ZFYVE28: variants seen among roughly 807,000 people sequenced by gnomAD.
The protein encoded by ZFYVE28 is zinc finger FYVE-type containing 28, also known as lateral signaling target protein 2 homolog.
A neutral mutation model predicts 82.1 loss-of-function variants in ZFYVE28; 40 were observed. The ratio of observed to expected loss-of-function variants is 0.49; its 90% CI spans 0.38 to 0.63. ZFYVE28 has a LOEUF of 0.63. Among genes scored for constraint, ZFYVE28 ranks in the 30% least tolerant of loss-of-function variants. ZFYVE28 has a pLI of 0.00. For missense variants in ZFYVE28, 1,321 were observed against 1,242.1 expected, an observed-to-expected ratio of 1.06 and a Z score of -0.96; for synonymous variants, 612 against 546.1, an observed-to-expected ratio of 1.12 and a Z score of -1.68.
intron 7 of ZFYVE28, among the ~76,000 whole-genome samples, chr4:2,310,422 T>A (rs752835435): frequency 1.5e-4 from 23 of 152,218 alleles, no homozygotes; most frequent in Non-Finnish European, 3.4e-4. Flanking sequence ...TTTGCATCTA[T>A]GTTCATGAGA....
intron 2 of ZFYVE28, chr4:2,342,925 G>A (rs940826570): frequency 1.3e-5 from 2 of 152,304 alleles, no homozygotes; most frequent in Admixed American, 6.5e-5. Flanking sequence ...CTCATCTTCC[G>A]AGGGCCTGTT....
At chr4:2,277,474 C>T (rs1736578231) in intron 8 of ZFYVE28, among the ~76,000 whole-genome samples, 2 of 151,120 alleles carry the variant, frequency 1.3e-5, no homozygotes, top group Admixed American at 1.3e-4. Context: ...AGTGAGACAC[C>T]ATCTCAAAAA....
chr4:2,359,119 C>T (rs1318647587), intron 1 of ZFYVE28, among the ~76,000 whole-genome samples: 5 of 151,784 alleles, frequency 3.3e-5, no homozygotes, highest in East Asian at 1.9e-4. Context: ...GGACTACAGG[C>T]GCCCACCACC....
At chr4:2,275,185 G>A (rs1034778353) in intron 8 of ZFYVE28, among the ~76,000 whole-genome samples, 8 of 152,108 alleles carry the variant, frequency 5.3e-5, no homozygotes, top group Non-Finnish European at 1.2e-4. Flanking sequence ...GGGACCCTCC[G>A]TGCATGGGGT....
Position 2,362,547 on chromosome 4 carries a change from C to T in ZFYVE28, c.40-8474G>A, listed in dbSNP as rs1252498907. Among the ~76,000 whole-genome samples, 1 of 152,124 alleles carries T rather than the reference C, an allele frequency of 6.6e-6. No individual in the cohort carries two copies. Among genetic ancestry groups the T allele is most frequent in the Non-Finnish European group, 1.5e-5 (1 of 68,014 alleles). On this transcript the variant is annotated intron_variant, in intron 1 of 12. Transcript: ENST00000290974. The surrounding 1 kb of genome is among the most constrained non-coding windows in gnomAD (Gnocchi z 5.1). Reference sequence around the variant, plus strand: ...CAACCCCTCCTGTCCGCACTGAGGCCAGACGTCCATGGGCAGCCATGACCC... The same window carrying T: ...CAACCCCTCCTGTCCGCACTGAGGCTAGACGTCCATGGGCAGCCATGACCC...
chr4:2,385,372 TGA>T (rs1248643573), intron 1 of ZFYVE28, among the ~76,000 whole-genome samples: 1 of 151,694 alleles, frequency 6.6e-6, no homozygotes, highest in East Asian at 1.9e-4. Flanking sequence ...GCCCCAGCGC[TGA>T]GAGAGCACCT....
At chr4:2,314,337 T>A (rs1227710261) in intron 7 of ZFYVE28, among the ~76,000 whole-genome samples, 1 of 152,256 alleles carries the variant, frequency 6.6e-6, no homozygotes, top group East Asian at 1.9e-4. Flanking sequence ...TGCTGCTGTT[T>A]CAACCCAGAC....
intron 1 of ZFYVE28, among the ~76,000 whole-genome samples, chr4:2,355,209 T>A (rs1290136828): frequency 8.1e-4 from 1 of 1,230 alleles, no homozygotes; most frequent in African/African-American, 5.9e-3. Flanking sequence ...AATATATATA[T>A]ATATATATAT....
At chr4:2,344,607 C>G (rs1163009475) in intron 2 of ZFYVE28, among the ~76,000 whole-genome samples, 2 of 152,214 alleles carry the variant, frequency 1.3e-5, no homozygotes, top group Admixed American at 1.3e-4. Context: ...TAAAAAATTA[C>G]CAAGTTTGGC....
intron 8 of ZFYVE28, among the ~76,000 whole-genome samples, chr4:2,291,627 G>T (rs928678747): frequency 6.6e-6 from 1 of 152,196 alleles, no homozygotes; most frequent in African/African-American, 2.4e-5. Context: ...ACAGGGCTGG[G>T]GGTCCTGGGG....
At chr4:2,311,624 C>A (rs538398059) in intron 7 of ZFYVE28, among the ~76,000 whole-genome samples, 1 of 152,248 alleles carries the variant, frequency 6.6e-6, no homozygotes, top group Non-Finnish European at 1.5e-5. Flanking sequence ...TATTTCTTTT[C>A]TCCTGCTTTC....
intron 1 of ZFYVE28, among the ~76,000 whole-genome samples, chr4:2,377,236 TGGTCTC>T (rs1728253373): frequency 6.6e-6 from 1 of 152,142 alleles, no homozygotes; most frequent in Non-Finnish European, 1.5e-5. Context: ...TTAGCCAGGA[TGGTCTC>T]GATCTCCTGA....
chr4:2,330,633 G>A (rs2108846813), intron 6 of ZFYVE28: 6 of 1,382,626 alleles, frequency 4.3e-6, no homozygotes, highest in Middle Eastern at 2.7e-4. Context: ...CAGCATAGAG[G>A]AGGGGACAGT....
chr4:2,290,100 G>A (rs187996648), intron 8 of ZFYVE28, among the ~76,000 whole-genome samples: 135 of 152,300 alleles, frequency 8.9e-4, no homozygotes, highest in Non-Finnish European at 1.5e-3. Flanking sequence ...GGCCCCGTCA[G>A]AGCCACCCCC....
At chr4:2,291,406 C>T (rs545492466) in intron 8 of ZFYVE28, among the ~76,000 whole-genome samples, 23 of 152,274 alleles carry the variant, frequency 1.5e-4, no homozygotes, top group African/African-American at 5.5e-4. Context: ...CCTTCTTGGG[C>T]TCACGGGGAG....
At chr4:2,389,715 C>T (rs960780383) in intron 1 of ZFYVE28, among the ~76,000 whole-genome samples, 3 of 152,222 alleles carry the variant, frequency 2.0e-5, no homozygotes, top group African/African-American at 7.2e-5. Flanking sequence ...ATCCATTCTG[C>T]AGGGAGCCCC....
chr4:2,291,106 C>G (rs1196896503), intron 8 of ZFYVE28, among the ~76,000 whole-genome samples: 1 of 152,326 alleles, frequency 6.6e-6, no homozygotes, highest in Middle Eastern at 3.4e-3. Flanking sequence ...ACCTTGCAGG[C>G]GCTTTTGCTG....
At position 2,271,690 on chromosome 4, in the gene ZFYVE28, C is replaced by T. The variant is rs757683240; in HGVS notation, c.2413G>A (p.Asp805Asn). 3.0e-5 allele frequency: 49 copies of T among 1,613,766 alleles called. No homozygotes were observed. The highest frequency in any genetic ancestry group is 4.0e-5 in the Non-Finnish European group (47 of 1,179,996). ...SSSELAAKTR[D>N]GDFEDPPEWV... is the part of the protein sequence containing the mutation. ...TCCCACACACCTTCAAAGTCCCCATCGCGGGTCTTGGCTGCCAGTTCAGAG... is the reference window on the plus strand; with the variant it reads ...TCCCACACACCTTCAAAGTCCCCATTGCGGGTCTTGGCTGCCAGTTCAGAG... The change falls in exon 11 of 13, where the codon GAT becomes AAT. Residue 805 changes from aspartate to asparagine, a missense_variant. By Grantham distance (23) the Asp-to-Asn change is conservative. This residue lies in a region of ZFYVE28 where 978 missense variants were observed against 833.7 expected (regional missense o/e 1.17). Transcript: ENST00000290974.
chr4:2,376,666 G>A (rs1728175450), intron 1 of ZFYVE28, among the ~76,000 whole-genome samples: 1 of 152,114 alleles, frequency 6.6e-6, no homozygotes, highest in Non-Finnish European at 1.5e-5. Context: ...AGCATGGGGG[G>A]AACTGCCCCC....
Sources: gnomAD v4.1 joint callset for allele counts (sites outside exome capture counted in the v4.1 genomes callset) on GRCh38, gnomAD v4.1.1 for gene constraint, gnomAD v4.1.1 regional missense constraint, Gnocchi (gnomAD v3.1) non-coding constraint, MANE v1.5 for transcripts, NCBI Gene and HGNC (gene_info 2026-07-23, HGNC 2026-07-21) for gene names.